ALPL: variants seen among roughly 807,000 people sequenced by gnomAD.
The protein encoded by ALPL is alkaline phosphatase, tissue-nonspecific isozyme.
A neutral mutation model predicts 51.3 loss-of-function variants in ALPL; 42 were observed. The observed-to-expected ratio is 0.82, with a 90% CI of 0.64 to 1.06. The LOEUF is 1.06. Among genes scored for constraint, ALPL ranks in the 50% least tolerant of loss-of-function variants. The pLI is 0.00. For missense variants in ALPL, 589 were observed against 709.4 expected (o/e 0.83, Z 1.93); for synonymous variants, 279 against 296.4 (o/e 0.94, Z 0.60).
chr1:21,534,963 TAC>T (rs909524946), intron 1 of ALPL, among the ~76,000 whole-genome samples: 1 of 152,208 alleles, frequency 6.6e-6, no homozygotes, highest in African/African-American at 2.4e-5. Context: ...TTCCCCGCTG[TAC>T]TTACCGCCAC....
chr1:21,527,401 C>T (rs1643962402), intron 1 of ALPL, among the ~76,000 whole-genome samples: 1 of 152,118 alleles, frequency 6.6e-6, no homozygotes, highest in Non-Finnish European at 1.5e-5. Flanking sequence ...TTTGCTCAGT[C>T]TTCAGATATC....
At position 21,568,139 on chromosome 1, in the gene ALPL, C is replaced by T. The variant is rs369550359; in HGVS notation, c.684C>T (p.Pro228=). 1 of 1,614,044 alleles carries T rather than the reference C, an allele frequency of 6.2e-7. No homozygotes were observed. The highest frequency in any genetic ancestry group is 8.5e-7 in the Non-Finnish European group (1 of 1,180,022). The change falls in exon 7 of 12, where the codon CCC becomes CCT. Residue 228 remains proline, a synonymous_variant. Coordinates refer to ENST00000374840, the MANE Select transcript of ALPL (RefSeq NM_000478.6). ...GGGGTGGCCGGAAATACATGTACCC[C>T]AAGAATAAAACTGATGTGGAGTATG... ...IMGGGRKYMY[P]KNKTDVEYES... is the part of the protein sequence containing the mutation.
At position 21,549,867 on chromosome 1, in the gene ALPL, C is replaced by T. The variant is rs549646815; in HGVS notation, c.-104-4111C>T. On this transcript the variant is annotated intron_variant, in intron 1 of 11. Transcript: ENST00000374840. ...AGAGTCCAGAATGCTAACCATTACA[C>T]GATGGAACCCGTAGGTATAAATCTA... Among the ~76,000 whole-genome samples, 284 of 152,254 alleles carry T rather than the reference C, an allele frequency of 1.9e-3. 1 individual carries two copies. Among genetic ancestry groups the T allele is most frequent in the African/African-American group, 6.4e-3 (264 of 41,540 alleles).
At chr1:21,550,477 A>G (rs1391262733) in intron 1 of ALPL, among the ~76,000 whole-genome samples, 6 of 152,200 alleles carry the variant, frequency 3.9e-5, no homozygotes, top group African/African-American at 7.2e-5. Flanking sequence ...TTTATGAACT[A>G]TGGAGTGCAG....
At chr1:21,538,687 T>C (rs914613448) in intron 1 of ALPL, among the ~76,000 whole-genome samples, 2 of 151,772 alleles carry the variant, frequency 1.3e-5, no homozygotes, top group African/African-American at 4.8e-5. Context: ...TGAGGATGAG[T>C]TGAAGGAGGG....
chr1:21,567,808 A>G (rs1644587653), intron 6 of ALPL, among the ~76,000 whole-genome samples: 1 of 152,288 alleles, frequency 6.6e-6, no homozygotes, highest in South Asian at 2.1e-4. Context: ...CGCTCTGTAA[A>G]TGGTCTGATT....
chr1:21,532,081 TC>T lies in ALPL; in HGVS notation c.-104-21893del, dbSNP rs1277879153. 1.6e-4 allele frequency among the ~76,000 whole-genome samples: 24 copies of T among 152,172 alleles called. 1 individual carries two copies. The highest frequency in any genetic ancestry group is 5.3e-4 in the African/African-American group (22 of 41,486). The stretch of plus-strand genomic sequence containing the variant: ...GGCAAGGAGCGTGTGGATTCCCCAA[TC>T]CCCTGTCCCACCACCAGCCAGAGCA... On this transcript the variant is annotated intron_variant, in intron 1 of 11. Transcript: ENST00000374840.
intron 7 of ALPL, among the ~76,000 whole-genome samples, chr1:21,569,984 T>C (rs2148176228): frequency 6.6e-6 from 1 of 152,238 alleles, no homozygotes. Context: ...GGAATAGCCT[T>C]CCTGACCCTA....
chr1:21,553,601 C>T (rs192483545), intron 1 of ALPL, among the ~76,000 whole-genome samples: 30 of 152,284 alleles, frequency 2.0e-4, no homozygotes, highest in South Asian at 6.2e-4. Flanking sequence ...ACCAGTGGGC[C>T]GGGAATCTGT....
At chr1:21,531,656 G>T (rs1644032034) in intron 1 of ALPL, among the ~76,000 whole-genome samples, 1 of 152,222 alleles carries the variant, frequency 6.6e-6, no homozygotes, top group Non-Finnish European at 1.5e-5. Context: ...GGAGACTGAG[G>T]TCTAGGGTAG....
Position 21,577,632 on chromosome 1 carries a change from T to A in ALPL, c.1559T>A (p.Leu520Gln). 6.3e-7 allele frequency: 1 copy of A among 1,598,384 alleles called. No homozygotes were observed. The highest frequency in any genetic ancestry group is 8.5e-7 in the Non-Finnish European group (1 of 1,179,176). The change falls in exon 12 of 12, where the codon CTG (leucine) becomes CAG (glutamine). Residue 520 changes from leucine to glutamine, a missense_variant. By Grantham distance (113) the Leu-to-Gln change is moderately radical. Transcript: ENST00000374840. The part of the protein sequence containing the change: ...PLLLALALYP[L>Q]SVLF ...CTGCTCGCGCTGGCCCTCTACCCCC[T>A]GAGCGTCCTGTTCTGAGGGCCCAGG...
chr1:21,571,656 A>G (rs1259347887), intron 8 of ALPL, among the ~76,000 whole-genome samples: 1 of 150,608 alleles, frequency 6.6e-6, no homozygotes, highest in Non-Finnish European at 1.5e-5. Context: ...TGGGTGACAG[A>G]GCAAGACTCC....
Position 21,563,206 on chromosome 1 carries a change from G to T in ALPL, c.394G>T (p.Ala132Ser). 6.2e-7 allele frequency: 1 copy of T among 1,613,962 alleles called. No individual in the cohort carries two copies. The highest frequency in any genetic ancestry group is 8.5e-7 in the Non-Finnish European group (1 of 1,180,032). Residue 132 changes from alanine to serine, a missense_variant, in exon 5 of 12, where the codon GCA becomes TCA. Coordinates refer to ENST00000374840, the MANE Select transcript of ALPL (RefSeq NM_000478.6). Reference sequence around the variant, plus strand: ...CAATGAGGGCACCGTGGGGGTAAGCGCAGCCACTGAGCGTTCCCGGTGCAA... The same window carrying T: ...CAATGAGGGCACCGTGGGGGTAAGCTCAGCCACTGAGCGTTCCCGGTGCAA... ...KANEGTVGVSAATERSRCNTT... is the reference protein window; with the variant it reads ...KANEGTVGVSSATERSRCNTT...
At chr1:21,523,567 G>T (rs1014470000) in intron 1 of ALPL, among the ~76,000 whole-genome samples, 3 of 151,966 alleles carry the variant, frequency 2.0e-5, no homozygotes, top group Non-Finnish European at 4.4e-5. Flanking sequence ...CTCCTCAGGG[G>T]CCTCCCCTAT....
chr1:21,511,891 A>G lies in ALPL; in HGVS notation c.-105+2374A>G, dbSNP rs116119622. On this transcript the variant is annotated intron_variant, in intron 1 of 11. Transcript: ENST00000374840. ...CCCAGAGGCACACAGATGCTACCTG[A>G]GGAGCTGGGGCTGGAGCCTGCGTAT... 3.2e-3 allele frequency among the ~76,000 whole-genome samples: 490 copies of G among 152,338 alleles called. 7 individuals carry two copies. Among genetic ancestry groups the G allele is most frequent in the African/African-American group, 0.012 (483 of 41,576 alleles).
chr1:21,576,509 C>G lies in ALPL; in HGVS notation c.1190-13C>G, dbSNP rs767422191. On this transcript the variant is annotated splice_polypyrimidine_tract_variant and intron_variant, in intron 10 of 11. Coordinates refer to ENST00000374840, the MANE Select transcript of ALPL (RefSeq NM_000478.6). ...GCCCCAGCATGACCCCTGAACACCC[C>G]CTCCCTGTGCAGGTCTGGCCCCCAT... 5 of 1,613,484 alleles carry G rather than the reference C, an allele frequency of 3.1e-6. No individual in the cohort carries two copies. The highest frequency in any genetic ancestry group is 3.4e-6 in the Non-Finnish European group (4 of 1,179,688).
intron 6 of ALPL, among the ~76,000 whole-genome samples, chr1:21,565,439 G>A (rs182969901): frequency 1.4e-4 from 22 of 152,332 alleles, no homozygotes; most frequent in Non-Finnish European, 2.9e-4. Context: ...TCCCAGGGCC[G>A]TGGGAGGCCG....
At chr1:21,549,707 C>T (rs1346668938) in intron 1 of ALPL, among the ~76,000 whole-genome samples, 1 of 152,150 alleles carries the variant, frequency 6.6e-6, no homozygotes, top group Non-Finnish European at 1.5e-5. Context: ...AAGGGATCCA[C>T]CCGCCTCAGC....
intron 1 of ALPL, among the ~76,000 whole-genome samples, chr1:21,539,087 A>G (rs80025048): frequency 6.6e-6 from 1 of 152,264 alleles, no homozygotes; most frequent in Non-Finnish European, 1.5e-5. Flanking sequence ...TACATATTGC[A>G]GAGAGGGCAA....
Sources: gnomAD v4.1 joint callset for allele counts (sites outside exome capture counted in the v4.1 genomes callset) on GRCh38, gnomAD v4.1.1 for gene constraint, MANE v1.5 for transcripts, NCBI Gene and HGNC (gene_info 2026-07-23, HGNC 2026-07-21) for gene names.